The following CARMIL1 variants were observed in gnomAD, a reference collection of about 807,000 sequenced individuals.
The protein encoded by CARMIL1 is F-actin-uncapping protein LRRC16A.
A neutral mutation model predicts 177.1 loss-of-function variants in CARMIL1; 90 were observed. The observed-to-expected ratio is 0.51, with a 90% CI of 0.43 to 0.61. The LOEUF is 0.61. Ranked by LOEUF, CARMIL1 falls within the 20% of genes least tolerant of loss-of-function variation. CARMIL1 has a pLI of 0.00. For missense variants in CARMIL1, 1,380 were observed against 1,667.0 expected (o/e 0.83, Z 3.00); for synonymous variants, 577 against 606.2 (o/e 0.95, Z 0.71).
chr6:25,555,784 G>A (rs1415904044), intron 28 of CARMIL1, among the ~76,000 whole-genome samples: 1 of 152,090 alleles, frequency 6.6e-6, no homozygotes, highest in Non-Finnish European at 1.5e-5. Flanking sequence ...GCTTACTTAT[G>A]ACACAAATAG....
intron 2 of CARMIL1, among the ~76,000 whole-genome samples, chr6:25,346,514 T>C (rs2690097): frequency 0.33 from 50,102 of 152,070 alleles, 9,582 homozygotes; most frequent in African/African-American, 0.54. Context: ...TTCTGTCTCC[T>C]TTGCCTAATT....
intron 5 of CARMIL1, among the ~76,000 whole-genome samples, chr6:25,439,264 T>C (rs9366624): frequency 0.23 from 34,921 of 152,030 alleles, 4,388 homozygotes; most frequent in Non-Finnish European, 0.28. Context: ...AAGACCTCCA[T>C]AGACCTCTCC....
At chr6:25,346,010 C>A (rs1158280056) in intron 2 of CARMIL1, among the ~76,000 whole-genome samples, 4 of 152,204 alleles carry the variant, frequency 2.6e-5, no homozygotes, top group Non-Finnish European at 5.9e-5. Flanking sequence ...TTTCTTATCA[C>A]CTTTATTGCT....
intron 23 of CARMIL1, among the ~76,000 whole-genome samples, chr6:25,526,989 CAATCTT>C (rs1807206876): frequency 6.6e-6 from 1 of 152,186 alleles, no homozygotes; most frequent in Non-Finnish European, 1.5e-5. Flanking sequence ...ATTCAATACT[CAATCTT>C]AAAAACACAC....
chr6:25,565,537 A>T (rs923044308), intron 29 of CARMIL1, among the ~76,000 whole-genome samples: 26 of 152,166 alleles, frequency 1.7e-4, no homozygotes, highest in Admixed American at 1.3e-3. Context: ...TTTCACATTC[A>T]TGATATTTAT....
chr6:25,514,414 G>A (rs1176858360), intron 20 of CARMIL1, among the ~76,000 whole-genome samples: 1 of 152,028 alleles, frequency 6.6e-6, no homozygotes. Context: ...AGGCATGGTG[G>A]TGGGCGCCTG....
At chr6:25,290,548 AGTCTC>A (rs1781870788) in intron 2 of CARMIL1, among the ~76,000 whole-genome samples, 1 of 151,590 alleles carries the variant, frequency 6.6e-6, no homozygotes, top group Admixed American at 6.6e-5. Context: ...AGTCATTCCT[AGTCTC>A]CACTTTGGTT....
At chr6:25,601,443 T>G (rs1815394098) in intron 33 of CARMIL1, among the ~76,000 whole-genome samples, 1 of 152,172 alleles carries the variant, frequency 6.6e-6, no homozygotes, top group Admixed American at 6.5e-5. Context: ...GATGGAAGAC[T>G]GAGGGTAATA....
In CARMIL1 at chr6:25,554,201, A is replaced by G. The variant is rs1810405141; in HGVS notation, c.2592+105A>G. On this transcript the variant is annotated intron_variant, in intron 28 of 36. Coordinates refer to ENST00000329474, the MANE Select transcript of CARMIL1 (RefSeq NM_017640.6). This position sits in a 1 kb window ranked among gnomAD's most constrained non-coding sequence, Gnocchi z 4.6. ...TGATTTCTTTTCTGTATTTCACACT[A>G]TTACAGCTTTATGGTTTGTGATCTT... The G allele has an allele frequency of 1.3e-6, 1 of 797,982 alleles. No individual in the cohort carries two copies. Among genetic ancestry groups the G allele is most frequent in the African/African-American group, 1.7e-5 (1 of 58,514 alleles). The allele number at this position is 797,982 out of a possible 1,614,324, so 49.4% of individuals were successfully genotyped here. A position where few individuals can be genotyped will look rare whatever the true frequency, so the allele number is the denominator to read the frequency against.
intron 31 of CARMIL1, among the ~76,000 whole-genome samples, chr6:25,591,288 T>C (rs1814277140): frequency 6.6e-6 from 1 of 152,240 alleles, no homozygotes; most frequent in Non-Finnish European, 1.5e-5. Context: ...GTCCTCACGA[T>C]CACCAGCTTA....
chr6:25,401,286 A>G (rs1449410859), intron 2 of CARMIL1, among the ~76,000 whole-genome samples: 1 of 152,120 alleles, frequency 6.6e-6, no homozygotes, highest in East Asian at 1.9e-4. Flanking sequence ...ACACAAACAC[A>G]CACACACAAA....
chr6:25,587,003 A>G (rs548696906), intron 31 of CARMIL1, among the ~76,000 whole-genome samples: 4 of 118,910 alleles, frequency 3.4e-5, no homozygotes, highest in African/African-American at 1.4e-4. Context: ...CCGTGGAGAC[A>G]GAGGGAGAGG....
intron 36 of CARMIL1, among the ~76,000 whole-genome samples, chr6:25,615,670 C>G (rs1455558829): frequency 6.6e-6 from 1 of 152,136 alleles, no homozygotes; most frequent in Non-Finnish European, 1.5e-5. Flanking sequence ...CTTTTTCCAC[C>G]AGACTCAAGT....
chr6:25,304,096 C>G (rs946913936), intron 2 of CARMIL1, among the ~76,000 whole-genome samples: 1 of 152,228 alleles, frequency 6.6e-6, no homozygotes, highest in Non-Finnish European at 1.5e-5. Context: ...CTGCTGCCCC[C>G]ACAGGTGCTG....
chr6:25,552,902 A>T (rs756448229), intron 27 of CARMIL1, among the ~76,000 whole-genome samples: 1 of 152,172 alleles, frequency 6.6e-6, no homozygotes, highest in East Asian at 1.9e-4. Context: ...AATAACCTGT[A>T]TTTTTAATAT....
At chr6:25,328,592 T>C (rs542231786) in intron 2 of CARMIL1, among the ~76,000 whole-genome samples, 3 of 152,332 alleles carry the variant, frequency 2.0e-5, no homozygotes, top group African/African-American at 7.2e-5. Context: ...AGTTCAGATG[T>C]CACATCTTCG....
At chr6:25,589,356 C>T (rs1470822535) in intron 31 of CARMIL1, among the ~76,000 whole-genome samples, 1 of 152,166 alleles carries the variant, frequency 6.6e-6, no homozygotes, top group African/African-American at 2.4e-5. Context: ...TTCTTCAGCT[C>T]TTTCGATGTA....
At chr6:25,465,541 G>T in intron 8 of CARMIL1, 1 of 199,164 alleles carries the variant, frequency 5.0e-6, no homozygotes, top group Non-Finnish European at 1.0e-5. Context: ...AAGATTTTAT[G>T]AAGGAGAGAT....
chr6:25,544,498 CA>C (rs1446312605), intron 26 of CARMIL1, among the ~76,000 whole-genome samples: 1 of 151,726 alleles, frequency 6.6e-6, no homozygotes, highest in South Asian at 2.1e-4. Context: ...TTAGAGAGTA[CA>C]TAACATATCA....
Sources: allele counts gnomAD v4.1 joint callset (sites outside exome capture counted in the v4.1 genomes callset), GRCh38; gene constraint gnomAD v4.1.1; non-coding constraint Gnocchi (gnomAD v3.1); transcripts MANE v1.5; gene names NCBI Gene and HGNC (gene_info 2026-07-23, HGNC 2026-07-21).